The following AUTS2 variants were observed in gnomAD, a reference collection of about 807,000 sequenced individuals.
AUTS2 encodes activator of transcription and developmental regulator AUTS2.
In AUTS2, 17 loss-of-function variants were observed where a neutral mutation model predicts 112.4. The observed-to-expected ratio is 0.15, with a 90% CI of 0.10 to 0.23. The LOEUF is 0.23. Ranked by LOEUF, AUTS2 falls within the 10% of genes least tolerant of loss-of-function variation. The probability of loss-of-function intolerance (pLI) is 1.00; values close to 1 mark genes in which losing one functional copy is unlikely to be tolerated. For synonymous variants in AUTS2, 751 were observed against 702.7 expected (o/e 1.07, Z -1.09); for missense variants, 1,510 against 1,701.6 (o/e 0.89, Z 1.98).
chr7:70,162,729 A>T (rs1420527456), intron 4 of AUTS2, among the ~76,000 whole-genome samples: 1 of 152,170 alleles, frequency 6.6e-6, no homozygotes, highest in Non-Finnish European at 1.5e-5. Context: ...CCCCATTATT[A>T]TAAAATATTT....
chr7:70,131,009 T>A (rs1158036723), intron 3 of AUTS2, among the ~76,000 whole-genome samples: 1 of 152,182 alleles, frequency 6.6e-6, no homozygotes, highest in Non-Finnish European at 1.5e-5. Context: ...AACTTCTGTT[T>A]CTTTCCTTAA....
At chr7:69,907,285 C>T (rs558134603) in intron 2 of AUTS2, among the ~76,000 whole-genome samples, 17 of 152,242 alleles carry the variant, frequency 1.1e-4, no homozygotes, top group Admixed American at 2.0e-4. Context: ...GTGAGTTTAT[C>T]GTAGGACTTC....
chr7:70,635,826 G>A lies in AUTS2; in HGVS notation c.691-62743G>A, dbSNP rs549036213. Among the ~76,000 whole-genome samples the A allele has an allele frequency of 3.9e-5, 6 of 152,330 alleles. No homozygotes were observed. The East Asian group carries it at 1.2e-3, about 29-fold the overall frequency. On this transcript the variant is annotated intron_variant, in intron 5 of 18. Transcript: ENST00000342771. Reference sequence around the variant, plus strand: ...TCTGGCCCCAAGATGGACCCTAGGAGAGACTTTGACACACAATTGATGATG... The same window carrying A: ...TCTGGCCCCAAGATGGACCCTAGGAAAGACTTTGACACACAATTGATGATG...
At chr7:69,829,046 A>G (rs1282933578) in intron 1 of AUTS2, among the ~76,000 whole-genome samples, 5 of 152,174 alleles carry the variant, frequency 3.3e-5, no homozygotes, top group Non-Finnish European at 7.4e-5. Context: ...AAACATACAT[A>G]TAGATCAATG....
At chr7:69,600,557 T>TG (rs1554332029) in intron 1 of AUTS2, among the ~76,000 whole-genome samples, 22 of 146,220 alleles carry the variant, frequency 1.5e-4, no homozygotes, top group Non-Finnish European at 3.2e-4. Flanking sequence ...TTTTTTTTTT[T>TG]GGTGAAGCTG....
chr7:69,718,878 G>A (rs935969528), intron 1 of AUTS2, among the ~76,000 whole-genome samples: 2 of 152,158 alleles, frequency 1.3e-5, no homozygotes, highest in African/African-American at 2.4e-5. Context: ...TGTCTTGTGC[G>A]AGTGGTGGGT....
intron 5 of AUTS2, among the ~76,000 whole-genome samples, chr7:70,590,878 G>T (rs767286817): frequency 6.6e-6 from 1 of 152,134 alleles, no homozygotes; most frequent in Admixed American, 6.5e-5. Context: ...TCCTTTCAGA[G>T]TGCCATCGGT....
At chr7:70,094,999 T>G (rs1342290018) in intron 2 of AUTS2, among the ~76,000 whole-genome samples, 1 of 152,162 alleles carries the variant, frequency 6.6e-6, no homozygotes, top group African/African-American at 2.4e-5. Flanking sequence ...TGTTTGATGT[T>G]GCAAATACCA....
chr7:70,148,073 A>C (rs1209882302), intron 4 of AUTS2, among the ~76,000 whole-genome samples: 1 of 152,066 alleles, frequency 6.6e-6, no homozygotes, highest in Admixed American at 6.6e-5. Flanking sequence ...AATTCCCTGT[A>C]AGTGTTTAAT....
chr7:70,102,308 C>T (rs984552639), intron 2 of AUTS2, among the ~76,000 whole-genome samples: 8 of 151,554 alleles, frequency 5.3e-5, no homozygotes, highest in Admixed American at 1.3e-4. Context: ...TTAGTAGAGA[C>T]GGGGTTTCAC....
chr7:69,934,366 G>T (rs1796331796), intron 2 of AUTS2, among the ~76,000 whole-genome samples: 1 of 152,190 alleles, frequency 6.6e-6, no homozygotes, highest in Non-Finnish European at 1.5e-5. Context: ...TGAACCCAAA[G>T]ACTGTATTTC....
At chr7:70,706,692 T>G (rs929097294) in intron 6 of AUTS2, among the ~76,000 whole-genome samples, 3 of 151,640 alleles carry the variant, frequency 2.0e-5, no homozygotes, top group Non-Finnish European at 4.4e-5. Flanking sequence ...TGTCAAGAAA[T>G]TAAATGCTTT....
intron 4 of AUTS2, among the ~76,000 whole-genome samples, chr7:70,228,973 T>G (rs1362819551): frequency 6.6e-6 from 1 of 151,950 alleles, no homozygotes; most frequent in Non-Finnish European, 1.5e-5. Context: ...TAGCATTTCT[T>G]TGGCACACAT....
At chr7:69,887,575 G>T (rs1051495892) in intron 1 of AUTS2, among the ~76,000 whole-genome samples, 2 of 152,132 alleles carry the variant, frequency 1.3e-5, no homozygotes. Context: ...TAGAGACATT[G>T]TTCACTTAAA....
intron 4 of AUTS2, among the ~76,000 whole-genome samples, chr7:70,410,853 T>G (rs898279825): frequency 6.7e-6 from 1 of 149,124 alleles, no homozygotes; most frequent in Non-Finnish European, 1.5e-5. Context: ...TTATTATTGT[T>G]ATTATTATTA....
At chr7:70,687,806 C>G (rs111801069) in intron 5 of AUTS2, among the ~76,000 whole-genome samples, 2 of 152,158 alleles carry the variant, frequency 1.3e-5, no homozygotes, top group Non-Finnish European at 2.9e-5. Flanking sequence ...AGCAGAGGAA[C>G]TGGGGGCCAC....
intron 1 of AUTS2, among the ~76,000 whole-genome samples, chr7:69,644,871 C>T (rs547917473): frequency 1.4e-4 from 22 of 152,194 alleles, no homozygotes; most frequent in Non-Finnish European, 2.6e-4. Flanking sequence ...CCAAGAAAAT[C>T]TCACCATCTT....
At chr7:70,449,006 A>AATAGAGTTACCTTTT (rs1427878899) in intron 5 of AUTS2, among the ~76,000 whole-genome samples, 1 of 152,232 alleles carries the variant, frequency 6.6e-6, no homozygotes, top group African/African-American at 2.4e-5. Flanking sequence ...TGTTTATGTT[A>AATAGAGTTACCTTTT]ATAGAGTTAC....
intron 1 of AUTS2, among the ~76,000 whole-genome samples, chr7:69,718,156 T>C (rs553830901): frequency 2.6e-5 from 4 of 152,326 alleles, no homozygotes; most frequent in African/African-American, 9.6e-5. Flanking sequence ...TGATGAAACA[T>C]ATTACAGATT....
Sources: allele counts gnomAD v4.1 joint callset (sites outside exome capture counted in the v4.1 genomes callset), GRCh38; gene constraint gnomAD v4.1.1; transcripts MANE v1.5; gene names NCBI Gene and HGNC (gene_info 2026-07-23, HGNC 2026-07-21).